Variants in PRKN observed in about 807,000 individuals in gnomAD.
PRKN encodes E3 ubiquitin-protein ligase parkin.
Under a neutral mutation model 59.5 loss-of-function variants are expected in PRKN, and 56 were observed. The ratio of observed to expected loss-of-function variants is 0.94; its 90% CI spans 0.76 to 1.18. PRKN has a LOEUF of 1.18. Among genes scored for constraint, PRKN ranks in the 50% most tolerant of loss-of-function variants. The pLI is 0.00. For synonymous variants in PRKN, 250 were observed against 222.1 expected (o/e 1.13, Z -1.12); for missense variants, 657 against 596.4 (o/e 1.10, Z -1.06).
intron 1 of PRKN, among the ~76,000 whole-genome samples, chr6:162,683,195 G>A (rs533456012): frequency 6.6e-6 from 1 of 152,134 alleles, no homozygotes; most frequent in African/African-American, 2.4e-5. Context: ...CTTATTCTAG[G>A]CCTATGCTGT....
intron 1 of PRKN, among the ~76,000 whole-genome samples, chr6:162,627,825 T>C (rs1375671687): frequency 1.3e-5 from 2 of 152,078 alleles, no homozygotes; most frequent in Non-Finnish European, 2.9e-5. Flanking sequence ...CTAGGAGAGA[T>C]GTCAAGAGTC....
intron 7 of PRKN, among the ~76,000 whole-genome samples, chr6:161,782,350 C>T (rs887840195): frequency 1.3e-5 from 2 of 152,012 alleles, no homozygotes; most frequent in African/African-American, 4.8e-5. Context: ...AAGAAGGTGA[C>T]ACATCTATAC....
chr6:161,902,233 C>G (rs1270211955), intron 6 of PRKN, among the ~76,000 whole-genome samples: 1 of 152,188 alleles, frequency 6.6e-6, no homozygotes, highest in Non-Finnish European at 1.5e-5. Flanking sequence ...CTCGCACCCT[C>G]TGTGAGCATG....
At chr6:162,708,280 C>T (rs1304368130) in intron 1 of PRKN, among the ~76,000 whole-genome samples, 2 of 152,128 alleles carry the variant, frequency 1.3e-5, no homozygotes, top group Non-Finnish European at 2.9e-5. Context: ...ACCACATAGA[C>T]ATATATGCTA....
intron 6 of PRKN, among the ~76,000 whole-genome samples, chr6:161,936,502 C>T (rs930245543): frequency 2.0e-5 from 3 of 152,070 alleles, no homozygotes; most frequent in Non-Finnish European, 2.9e-5. Flanking sequence ...AGTCACCATG[C>T]CCGGCTGGTA....
At chr6:161,485,279 T>C (rs1159908448) in intron 9 of PRKN, among the ~76,000 whole-genome samples, 2 of 152,084 alleles carry the variant, frequency 1.3e-5, no homozygotes, top group African/African-American at 4.8e-5. Context: ...GTTATACTAG[T>C]GTGTGGTGTG....
intron 2 of PRKN, among the ~76,000 whole-genome samples, chr6:162,433,058 G>A (rs1789612366): frequency 6.6e-6 from 1 of 152,150 alleles, no homozygotes; most frequent in South Asian, 2.1e-4. Flanking sequence ...GGGTAAATCT[G>A]TCCCCTTTTG....
At chr6:162,541,024 G>A (rs1254211296) in intron 1 of PRKN, among the ~76,000 whole-genome samples, 2 of 152,054 alleles carry the variant, frequency 1.3e-5, no homozygotes, top group Non-Finnish European at 2.9e-5. Flanking sequence ...ATAGAAAGAG[G>A]TGAGGATTCA....
Position 161,533,454 on chromosome 6 carries a change from T to G in PRKN, c.1083+15400A>C, listed in dbSNP as rs989956912. On this transcript the variant is annotated intron_variant, in intron 9 of 11. Transcript: ENST00000366898. The surrounding 1 kb of genome is among the most constrained non-coding windows in gnomAD (Gnocchi z 4.1). Reference sequence around the variant, plus strand: ...GTTGTGCCCGTAGGAATATACTACCTGGGACTAGCCATGTTCAAAATGGCG... The same window carrying G: ...GTTGTGCCCGTAGGAATATACTACCGGGGACTAGCCATGTTCAAAATGGCG... 6.6e-6 allele frequency among the ~76,000 whole-genome samples: 1 copy of G among 152,150 alleles called. No individual in the cohort carries two copies. The highest frequency in any genetic ancestry group is 6.6e-5 in the Admixed American group (1 of 15,260).
chr6:162,667,920 T>C (rs990140794), intron 1 of PRKN, among the ~76,000 whole-genome samples: 2 of 152,166 alleles, frequency 1.3e-5, no homozygotes, highest in African/African-American at 4.8e-5. Context: ...TGGCACATAG[T>C]AAATACTCAA....
intron 1 of PRKN, among the ~76,000 whole-genome samples, chr6:162,722,923 A>T (rs1778989199): frequency 6.6e-6 from 1 of 152,214 alleles, no homozygotes; most frequent in Non-Finnish European, 1.5e-5. Flanking sequence ...GCAAAACTTT[A>T]GTAGAGCCTA....
At position 161,523,231 on chromosome 6, in the gene PRKN, G is replaced by A. The variant is rs74890242; in HGVS notation, c.1083+25623C>T. ...TGATAGGAATTCTCATAACAAATCA[G>A]CTTCATGTACCAATTACAAAATTGG... On this transcript the variant is annotated intron_variant, in intron 9 of 11. Transcript: ENST00000366898. Among the ~76,000 whole-genome samples, 962 of 152,162 alleles carry A rather than the reference G, an allele frequency of 6.3e-3. 9 individuals carry two copies. The highest frequency in any genetic ancestry group is 0.051 in the Middle Eastern group (15 of 294).
At chr6:161,862,693 G>A (rs536527279) in intron 6 of PRKN, among the ~76,000 whole-genome samples, 121 of 152,206 alleles carry the variant, frequency 7.9e-4, no homozygotes, top group Non-Finnish European at 1.4e-3. Context: ...AGCTACAAAT[G>A]GGAGGTTTGT....
chr6:162,307,947 T>A (rs963216823), intron 2 of PRKN, among the ~76,000 whole-genome samples: 1 of 152,240 alleles, frequency 6.6e-6, no homozygotes, highest in African/African-American at 2.4e-5. Flanking sequence ...TGTTTTGAAA[T>A]ATTTGTCAAG....
chr6:162,502,696 C>T lies in PRKN; in HGVS notation c.8-59223G>A, dbSNP rs377493613. Among the ~76,000 whole-genome samples, 58 of 152,094 alleles carry T rather than the reference C, an allele frequency of 3.8e-4. No individual in the cohort carries two copies. In the East Asian group the frequency reaches 8.1e-3, roughly 21 times the overall value. ...CTGACTTTAAAGTTAAAATAACACA[C>T]GCTTTTCCTCAGGAAAAGCGTGATC... On this transcript the variant is annotated intron_variant, in intron 1 of 11. Coordinates refer to ENST00000366898, the MANE Select transcript of PRKN (RefSeq NM_004562.3).
chr6:161,746,788 A>T (rs139500956), intron 7 of PRKN, among the ~76,000 whole-genome samples: 2,795 of 145,900 alleles, frequency 0.019, 108 homozygotes, highest in African/African-American at 0.069. Context: ...TATATCTAGA[A>T]TCTAGATATG....
intron 5 of PRKN, among the ~76,000 whole-genome samples, chr6:162,040,841 G>A (rs1237192070): frequency 6.6e-6 from 1 of 152,044 alleles, no homozygotes; most frequent in Non-Finnish European, 1.5e-5. Context: ...AAGGAGAACA[G>A]TAGTGAGGAA....
At chr6:161,892,534 C>A (rs1248936004) in intron 6 of PRKN, among the ~76,000 whole-genome samples, 1 of 151,978 alleles carries the variant, frequency 6.6e-6, no homozygotes, top group African/African-American at 2.4e-5. Context: ...GGTCCCTAAA[C>A]ATGAGGCTTT....
chr6:162,197,675 A>T (rs1192633146), intron 4 of PRKN, among the ~76,000 whole-genome samples: 3 of 152,190 alleles, frequency 2.0e-5, no homozygotes, highest in Non-Finnish European at 4.4e-5. Flanking sequence ...CTTTGTAAAA[A>T]CACTGGATGA....
Sources: allele counts gnomAD v4.1 joint callset (sites outside exome capture counted in the v4.1 genomes callset), GRCh38; gene constraint gnomAD v4.1.1; non-coding constraint Gnocchi (gnomAD v3.1); transcripts MANE v1.5; gene names NCBI Gene and HGNC (gene_info 2026-07-23, HGNC 2026-07-21).